MYRIP: variants seen among roughly 807,000 people sequenced by gnomAD.
MYRIP encodes the protein myosin VIIA and Rab interacting protein.
Under a neutral mutation model 98.0 loss-of-function variants are expected in MYRIP, and 49 were observed. The observed-to-expected ratio is 0.50, with a 90% CI of 0.40 to 0.63. The LOEUF (loss-of-function observed/expected upper bound fraction) is 0.63, where lower values mean the gene tolerates loss of function less well. Among genes scored for constraint, MYRIP ranks in the 30% least tolerant of loss-of-function variants. The pLI is 0.00. For missense variants in MYRIP, 1,004 were observed against 1,058.2 expected, an observed-to-expected ratio of 0.95 and a Z score of 0.71; for synonymous variants, 404 against 409.5, an observed-to-expected ratio of 0.99 and a Z score of 0.16.
intron 1 of MYRIP, among the ~76,000 whole-genome samples, chr3:39,866,648 T>A (rs375280815): frequency 6.6e-6 from 1 of 151,956 alleles, no homozygotes; most frequent in Non-Finnish European, 1.5e-5. Flanking sequence ...GATCTGTACA[T>A]TGAAAATTAA....
intron 2 of MYRIP, among the ~76,000 whole-genome samples, chr3:39,927,341 G>A (rs760920179): frequency 2.6e-5 from 4 of 151,848 alleles, no homozygotes; most frequent in Non-Finnish European, 5.9e-5. Flanking sequence ...GATTGCTCTG[G>A]CTAGGGCTTC....
chr3:39,995,343 G>T (rs1003602932), intron 2 of MYRIP, among the ~76,000 whole-genome samples: 29 of 152,302 alleles, frequency 1.9e-4, no homozygotes, highest in African/African-American at 6.7e-4. Context: ...AGTCCTTAAA[G>T]GACCTGATGG....
intron 2 of MYRIP, among the ~76,000 whole-genome samples, chr3:40,009,556 T>C (rs574592048): frequency 2.1e-4 from 32 of 152,282 alleles, no homozygotes; most frequent in African/African-American, 7.0e-4. Context: ...CTGCTACTTT[T>C]TAATGTGGAG....
chr3:39,994,308 A>T (rs1946275509), intron 2 of MYRIP, among the ~76,000 whole-genome samples: 1 of 152,232 alleles, frequency 6.6e-6, no homozygotes, highest in Non-Finnish European at 1.5e-5. Context: ...GGGGTGACAG[A>T]TGGCACCTGG....
In MYRIP at chr3:40,185,987, G is replaced by A. The variant is rs182481881; in HGVS notation, c.1027+3614G>A. On this transcript the variant is annotated intron_variant, in intron 9 of 16. Transcript: ENST00000302541. ...CTTGGGGCATAGCAGTGAAGAAGAC[G>A]TGGCTCTGCCCTCAAGGAGCCCATG... Among the ~76,000 whole-genome samples the A allele has an allele frequency of 7.9e-5, 12 of 152,300 alleles. No homozygotes were observed. The East Asian group carries it at 1.5e-3, about 20-fold the overall frequency.
chr3:39,977,221 A>C (rs1244496800), intron 2 of MYRIP, among the ~76,000 whole-genome samples: 1 of 152,092 alleles, frequency 6.6e-6, no homozygotes, highest in Non-Finnish European at 1.5e-5. Flanking sequence ...TAGACGTGAG[A>C]GAGGAAGTGT....
At chr3:40,210,331 A>C (rs1164541250) in intron 11 of MYRIP, among the ~76,000 whole-genome samples, 1 of 152,128 alleles carries the variant, frequency 6.6e-6, no homozygotes. Flanking sequence ...ATCTTTCATC[A>C]AGACAGCCCC....
At position 39,932,916 on chromosome 3, in the gene MYRIP, T is replaced by C. The variant is rs77758065; in HGVS notation, c.110+31990T>C. On this transcript the variant is annotated intron_variant, in intron 2 of 16. Coordinates refer to ENST00000302541, the MANE Select transcript of MYRIP (RefSeq NM_015460.4). Reference sequence around the variant, plus strand: ...GCATTGGCACACCGTCTGAATTAGATATTTTAAAGTAATCATAATTTGCAT... The same window carrying C: ...GCATTGGCACACCGTCTGAATTAGACATTTTAAAGTAATCATAATTTGCAT... 1.9e-3 allele frequency among the ~76,000 whole-genome samples: 282 copies of C among 152,332 alleles called. 2 individuals are homozygous for C. The highest frequency in any genetic ancestry group is 6.6e-3 in the African/African-American group (273 of 41,562).
At chr3:39,979,256 A>G (rs184970868) in intron 2 of MYRIP, among the ~76,000 whole-genome samples, 206 of 152,230 alleles carry the variant, frequency 1.4e-3, no homozygotes, top group African/African-American at 4.7e-3. Context: ...AATAGCTGGG[A>G]TATATAGACA....
chr3:39,866,091 C>CTT (rs1942611788), intron 1 of MYRIP, among the ~76,000 whole-genome samples: 4 of 152,136 alleles, frequency 2.6e-5, no homozygotes, highest in African/African-American at 9.7e-5. Context: ...CCAAACACCA[C>CTT]ATGTTCCCAC....
chr3:39,836,363 A>G (rs1056837515), intron 1 of MYRIP, among the ~76,000 whole-genome samples: 2 of 151,928 alleles, frequency 1.3e-5, no homozygotes, highest in Admixed American at 1.3e-4. Context: ...CCTTTTTTGC[A>G]TATGTTTTTT....
intron 11 of MYRIP, among the ~76,000 whole-genome samples, chr3:40,211,176 G>T (rs540971535): frequency 1.3e-5 from 2 of 152,230 alleles, no homozygotes; most frequent in African/African-American, 4.8e-5. Context: ...TTAAATCACA[G>T]GCCCCTTCCT....
rs552610454 is a variant in MYRIP, at chr3:39,984,933, A to T, written c.111-59117A>T. ...TGATTGCCATTCTAACTGGTGTGAG[A>T]TGGTATCTCATTGTGGTTTTGATTT... On this transcript the variant is annotated intron_variant, in intron 2 of 16. Coordinates refer to ENST00000302541, the MANE Select transcript of MYRIP (RefSeq NM_015460.4). Among the ~76,000 whole-genome samples, 37 of 151,182 alleles carry T rather than the reference A, an allele frequency of 2.4e-4. No individual in the cohort carries two copies. The South Asian group carries it at 7.5e-3, about 31-fold the overall frequency.
chr3:40,117,775 C>T (rs1949314338), intron 3 of MYRIP, among the ~76,000 whole-genome samples: 1 of 152,104 alleles, frequency 6.6e-6, no homozygotes, highest in African/African-American at 2.4e-5. Flanking sequence ...TACCCTCTAC[C>T]TGACATTGAA....
chr3:39,891,755 A>C (rs1943493409), intron 1 of MYRIP, among the ~76,000 whole-genome samples: 1 of 152,180 alleles, frequency 6.6e-6, no homozygotes, highest in Admixed American at 6.5e-5. Context: ...GAAATGTGTT[A>C]TGCCATCAAT....
chr3:39,891,887 A>G (rs750070436), intron 1 of MYRIP, among the ~76,000 whole-genome samples: 10 of 150,144 alleles, frequency 6.7e-5, no homozygotes, highest in Non-Finnish European at 1.2e-4. Flanking sequence ...CATTTTTCTT[A>G]TGTTACACAT....
intron 3 of MYRIP, among the ~76,000 whole-genome samples, chr3:40,061,012 A>G (rs9821403): frequency 1.3e-5 from 2 of 152,194 alleles, no homozygotes; most frequent in Non-Finnish European, 2.9e-5. Flanking sequence ...GACATATTTG[A>G]TTAAAAACTT....
intron 2 of MYRIP, among the ~76,000 whole-genome samples, chr3:40,024,064 G>A (rs1235548503): frequency 6.6e-6 from 1 of 152,150 alleles, no homozygotes; most frequent in Non-Finnish European, 1.5e-5. Flanking sequence ...GGAGGAAGTA[G>A]GGTACTCGCT....
At chr3:39,881,257 T>C (rs1035424639) in intron 1 of MYRIP, among the ~76,000 whole-genome samples, 1 of 152,196 alleles carries the variant, frequency 6.6e-6, no homozygotes, top group South Asian at 2.1e-4. Flanking sequence ...TCTTTGTCTT[T>C]CAAGTTGGAG....
Sources: allele counts gnomAD v4.1 joint callset (sites outside exome capture counted in the v4.1 genomes callset), GRCh38; gene constraint gnomAD v4.1.1; transcripts MANE v1.5; gene names NCBI Gene and HGNC (gene_info 2026-07-23, HGNC 2026-07-21).